The following MRC1 variants were observed in gnomAD, a reference collection of about 807,000 sequenced individuals.
MRC1 encodes the protein mannose receptor C-type 1, also known as macrophage mannose receptor 1.
Under a neutral mutation model 102.9 loss-of-function variants are expected in MRC1, and 62 were observed. The ratio of observed to expected loss-of-function variants is 0.60; its 90% confidence interval spans 0.49 to 0.74. The LOEUF (loss-of-function observed/expected upper bound fraction) is 0.74, where lower values mean the gene tolerates loss of function less well. Ranked by LOEUF, MRC1 falls within the 30% of genes least tolerant of loss-of-function variation. The pLI is 0.00. For synonymous variants in MRC1, 457 were observed against 298.4 expected (o/e 1.53, Z -5.48); for missense variants, 1,237 against 862.8 (o/e 1.43, Z -5.43).
Position 17,823,258 on chromosome 10 carries a change from C to A in MRC1, c.246C>A (p.Asp82Glu). ...GCCTGGGAGTGCCATCAAAAACGGA[C>A]TGGGTTGCTATCACTCTCTATGCCT... ...KLCLGVPSKT[D>E]WVAITLYACD... The change falls in exon 2 of 30, where the codon GAC (aspartate) becomes GAA (glutamate). Residue 82 changes from aspartate (D) to glutamate (E), a missense_variant. Transcript: ENST00000569591. 1 of 780,534 alleles carries A rather than the reference C, an allele frequency of 1.3e-6. No homozygotes were observed. The allele number at this position is 780,534 out of a possible 1,614,324, so 48.4% of individuals were successfully genotyped here. A position where few individuals can be genotyped will look rare whatever the true frequency, so the allele number is the denominator to read the frequency against.
Position 17,809,523 on chromosome 10 carries a change from C to T in MRC1, c.58C>T (p.Leu20=), listed in dbSNP as rs1838190842. Residue 20 remains leucine, a synonymous_variant, in exon 1 of 30, where the codon CTG becomes TTG. Coordinates refer to ENST00000569591, the MANE Select transcript of MRC1 (RefSeq NM_002438.4). ...TGTCATTCCGGGTGCTGTTCTCCTA[C>T]TGGGTAAGTCTGCTCTGAGGCAGGG... ...ASVIPGAVLL[L]DTRQFLIYNE... The T allele has an allele frequency of 2.3e-6, 2 of 872,674 alleles. No homozygotes were observed. The highest frequency in any genetic ancestry group is 4.0e-6 in the Non-Finnish European group (2 of 501,536). 54.1% of individuals were successfully genotyped at this position (872,674 alleles called of 1,614,324 possible).
chr10:17,844,425 G>GCA (rs1203443706), intron 5 of MRC1, among the ~76,000 whole-genome samples: 24 of 151,118 alleles, frequency 1.6e-4, no homozygotes, highest in African/African-American at 5.6e-4. Context: ...TCATTATGTT[G>GCA]GCCAGGCTGA....
At chr10:17,842,012 G>T (rs1838759690) in intron 5 of MRC1, among the ~76,000 whole-genome samples, 1 of 152,146 alleles carries the variant, frequency 6.6e-6, no homozygotes, top group Admixed American at 6.5e-5. Context: ...GCCCAGGCTG[G>T]AGTGCAGTGG....
At chr10:17,837,059 C>T (rs1838677025) in intron 4 of MRC1, among the ~76,000 whole-genome samples, 1 of 152,110 alleles carries the variant, frequency 6.6e-6, no homozygotes, top group South Asian at 2.1e-4. Context: ...GCGGCTTTGC[C>T]CAAGCACAGA....
At position 17,866,677 on chromosome 10, in the gene MRC1, C is replaced by T; in HGVS notation, c.1899C>T (p.Thr633=). 1.3e-6 allele frequency: 1 copy of T among 780,742 alleles called. No individual in the cohort carries two copies. The highest frequency in any genetic ancestry group is 2.4e-6 in the Non-Finnish European group (1 of 417,944). 48.4% of individuals were successfully genotyped at this position (780,742 alleles called of 1,614,324 possible). ...FVCKHWAEGV[T]HPPKPTTTPE... is the part of the protein sequence containing the mutation. ...GCAAGCACTGGGCAGAAGGAGTAAC[C>T]CACCCACCGAAGCCCACGACGACTC... The change falls in exon 12 of 30, where the codon ACC becomes ACT. Residue 633 remains threonine, a synonymous_variant. Transcript: ENST00000569591.
At chr10:17,813,463 T>C (rs1838255204) in intron 1 of MRC1, among the ~76,000 whole-genome samples, 1 of 152,098 alleles carries the variant, frequency 6.6e-6, no homozygotes, top group South Asian at 2.1e-4. Context: ...TATAAATGTA[T>C]GTCTTATGGT....
intron 15 of MRC1, among the ~76,000 whole-genome samples, chr10:17,873,548 G>A (rs1038641894): frequency 6.6e-6 from 1 of 151,014 alleles, no homozygotes; most frequent in African/African-American, 2.4e-5. Context: ...TGTGGTGGTT[G>A]TAATTTCTGT....
In MRC1 at chr10:17,874,633, C is replaced by A. The variant is rs899672957; in HGVS notation, c.2387-457C>A. Reference sequence around the variant, plus strand: ...GGTTGGAGAAAGCCTGAGGGGCCCACTTGATACGTGAATTCCTTGCTTCTA... The same window carrying A: ...GGTTGGAGAAAGCCTGAGGGGCCCAATTGATACGTGAATTCCTTGCTTCTA... On this transcript the variant is annotated intron_variant, in intron 16 of 29. Coordinates refer to ENST00000569591, the MANE Select transcript of MRC1 (RefSeq NM_002438.4). Among the ~76,000 whole-genome samples the A allele has an allele frequency of 3.3e-5, 5 of 152,002 alleles. No homozygotes were observed. The East Asian group carries it at 7.7e-4, about 24-fold the overall frequency.
intron 1 of MRC1, among the ~76,000 whole-genome samples, chr10:17,816,476 G>T (rs1216436239): frequency 6.6e-6 from 1 of 152,138 alleles, no homozygotes; most frequent in Non-Finnish European, 1.5e-5. Flanking sequence ...CACATCCAAG[G>T]TACAAGAGAT....
chr10:17,887,623 C>T (rs1833618085), intron 22 of MRC1, among the ~76,000 whole-genome samples: 1 of 152,006 alleles, frequency 6.6e-6, no homozygotes, highest in East Asian at 1.9e-4. Context: ...GTTTCTAGAA[C>T]ATAAAGAAAG....
At position 17,879,721 on chromosome 10, in the gene MRC1, T is replaced by G. The variant is rs2130689107; in HGVS notation, c.2619T>G (p.Ala873=). 6.4e-6 allele frequency: 5 copies of G among 780,864 alleles called. No homozygotes were observed. Among genetic ancestry groups the G allele is most frequent in the Non-Finnish European group, 1.2e-5 (5 of 417,964 alleles). The allele number at this position is 780,864 out of a possible 1,614,324, so 48.4% of individuals were successfully genotyped here. A position where few individuals can be genotyped will look rare whatever the true frequency, so the allele number is the denominator to read the frequency against. Residue 873 remains alanine (A), a splice_region_variant and synonymous_variant, in exon 19 of 30, where the codon GCT becomes GCG. Coordinates refer to ENST00000569591, the MANE Select transcript of MRC1 (RefSeq NM_002438.4). The part of the protein sequence containing the change: ...GLLISLDKKF[A]WMDGSKVDYV... Reference sequence around the variant, plus strand: ...AAAATGCCTGAATTTTCTTTTCCAGTTGGATGGATGGAAGCAAAGTGGATT... The same window carrying G: ...AAAATGCCTGAATTTTCTTTTCCAGGTGGATGGATGGAAGCAAAGTGGATT...
At chr10:17,873,370 C>T (rs1208819014) in intron 15 of MRC1, among the ~76,000 whole-genome samples, 3 of 152,154 alleles carry the variant, frequency 2.0e-5, no homozygotes, top group Non-Finnish European at 4.4e-5. Flanking sequence ...ACACCTATTA[C>T]ATACCAATAA....
intron 4 of MRC1, among the ~76,000 whole-genome samples, chr10:17,837,377 G>T (rs1270226095): frequency 6.6e-6 from 1 of 152,098 alleles, no homozygotes. Context: ...TAAAAAATAG[G>T]GGAAAGATAT....
intron 17 of MRC1, among the ~76,000 whole-genome samples, chr10:17,876,959 A>G (rs1168479698): frequency 6.6e-6 from 1 of 152,094 alleles, no homozygotes; most frequent in Non-Finnish European, 1.5e-5. Context: ...CTGAAAGAAT[A>G]AAAATTCATT....
At chr10:17,852,293 G>C (rs962368283) in intron 7 of MRC1, among the ~76,000 whole-genome samples, 155 of 152,124 alleles carry the variant, frequency 1.0e-3, no homozygotes, top group Admixed American at 3.4e-3. Flanking sequence ...AGTTTTGCTG[G>C]AATTTCCTGG....
rs999699572 is a variant in MRC1 at position 17,854,483 on chromosome 10, G to A, written c.1407+1359G>A. Among the ~76,000 whole-genome samples the A allele has an allele frequency of 8.5e-3, 1,298 of 152,180 alleles. 14 individuals are homozygous for A. The highest frequency in any genetic ancestry group is 0.029 in the African/African-American group (1,190 of 41,514). On this transcript the variant is annotated intron_variant, in intron 8 of 29. Coordinates refer to ENST00000569591, the MANE Select transcript of MRC1 (RefSeq NM_002438.4). ...GCAGCATGCTTGGAGGAGGTGAAAG[G>A]TCAGTGTGGTTGAAATCATGAAGTC...
chr10:17,902,926 C>T (rs1299710894), intron 26 of MRC1, among the ~76,000 whole-genome samples: 11 of 152,204 alleles, frequency 7.2e-5, no homozygotes, highest in African/African-American at 2.4e-4. Context: ...GGTACATATT[C>T]GTCTACACTC....
chr10:17,871,706 C>G (rs1446962211), intron 14 of MRC1, among the ~76,000 whole-genome samples: 1 of 152,208 alleles, frequency 6.6e-6, no homozygotes, highest in East Asian at 1.9e-4. Flanking sequence ...TATAAATCCC[C>G]ATTTGTGGCC....
chr10:17,811,211 G>A (rs1838215735), intron 1 of MRC1, among the ~76,000 whole-genome samples: 1 of 152,168 alleles, frequency 6.6e-6, no homozygotes, highest in African/African-American at 2.4e-5. Flanking sequence ...AAAATCTGGT[G>A]AGTATTGCAT....
Sources: allele counts gnomAD v4.1 joint callset (sites outside exome capture counted in the v4.1 genomes callset), GRCh38; gene constraint gnomAD v4.1.1; transcripts MANE v1.5; gene names NCBI Gene and HGNC (gene_info 2026-07-23, HGNC 2026-07-21).